CFAP95: variants seen among roughly 807,000 people sequenced by gnomAD.
The protein encoded by CFAP95 is cilia and flagella associated protein 95.
At chr9:69,831,908 T>C in the CFAP95 span, among the ~76,000 whole-genome samples, 1 of 152,206 alleles carries the variant, frequency 6.6e-6, no homozygotes, top group Non-Finnish European at 1.5e-5. Flanking sequence ...CATAGCATCT[T>C]AACAACATTT....
chr9:69,839,802 G>A, the CFAP95 span, among the ~76,000 whole-genome samples: 8 of 151,600 alleles, frequency 5.3e-5, no homozygotes, highest in South Asian at 8.4e-4. Context: ...TTGGCCAGGC[G>A]CAGTGGCTCC....
chr9:69,852,268 A>G, the CFAP95 span, among the ~76,000 whole-genome samples: 2 of 152,112 alleles, frequency 1.3e-5, no homozygotes, highest in Non-Finnish European at 2.9e-5. Context: ...CTGAAGATCT[A>G]AGATAATAGA....
chr9:69,831,324 A>G, the CFAP95 span, among the ~76,000 whole-genome samples: 2 of 152,192 alleles, frequency 1.3e-5, no homozygotes, highest in Non-Finnish European at 2.9e-5. Flanking sequence ...AATTTTTTAA[A>G]CATTTGGAAA....
At chr9:69,837,489 G>A in the CFAP95 span, among the ~76,000 whole-genome samples, 1 of 152,208 alleles carries the variant, frequency 6.6e-6, no homozygotes, top group East Asian at 1.9e-4. Context: ...CAGTGATGAT[G>A]AGCATTTTTT....
chr9:69,885,685 G>T, the CFAP95 span, among the ~76,000 whole-genome samples: 1 of 152,164 alleles, frequency 6.6e-6, no homozygotes, highest in African/African-American at 2.4e-5. Flanking sequence ...TGGGGTGGAG[G>T]TTGGGAATGT....
chr9:69,906,061 G>T, the CFAP95 span: 1 of 1,613,326 alleles, frequency 6.2e-7, no homozygotes, highest in Non-Finnish European at 8.5e-7. Flanking sequence ...GGCATGATGA[G>T]AGTGGGATTT....
At chr9:69,882,840 T>C in the CFAP95 span, among the ~76,000 whole-genome samples, 1 of 152,298 alleles carries the variant, frequency 6.6e-6, no homozygotes, top group African/African-American at 2.4e-5. Context: ...TGTTGTTGAA[T>C]TTGGTTTGCT....
chr9:69,866,575 A>T, the CFAP95 span, among the ~76,000 whole-genome samples: 1 of 152,232 alleles, frequency 6.6e-6, no homozygotes, highest in African/African-American at 2.4e-5. Context: ...GAATTGGATG[A>T]TGCCTACCTA....
the CFAP95 span, among the ~76,000 whole-genome samples, chr9:69,871,313 A>C: frequency 6.6e-6 from 1 of 152,206 alleles, no homozygotes; most frequent in Non-Finnish European, 1.5e-5. Context: ...TGCAGTGATG[A>C]CAGCTAAAGT....
chr9:69,863,598 C>A, the CFAP95 span, among the ~76,000 whole-genome samples: 1 of 152,070 alleles, frequency 6.6e-6, no homozygotes, highest in Non-Finnish European at 1.5e-5. Context: ...ATGATTTGTC[C>A]ATAGAACCAG....
At chr9:69,833,283 T>G in the CFAP95 span, among the ~76,000 whole-genome samples, 1 of 152,242 alleles carries the variant, frequency 6.6e-6, no homozygotes, top group South Asian at 2.1e-4. Context: ...TTGTACAACA[T>G]ATAGTCGTTA....
chr9:69,898,521 T>C, the CFAP95 span, among the ~76,000 whole-genome samples: 1 of 152,206 alleles, frequency 6.6e-6, no homozygotes, highest in South Asian at 2.1e-4. Context: ...TTTGCAGAGT[T>C]GATAGCTGTT....
the CFAP95 span, among the ~76,000 whole-genome samples, chr9:69,880,005 A>AT: frequency 6.7e-6 from 1 of 149,772 alleles, no homozygotes; most frequent in African/African-American, 2.5e-5. Flanking sequence ...TTTATGTTTA[A>AT]TTTTTGTGGG....
the CFAP95 span, among the ~76,000 whole-genome samples, chr9:69,872,083 T>G: frequency 2.0e-5 from 3 of 151,968 alleles, no homozygotes; most frequent in African/African-American, 4.8e-5. Context: ...TTTCCAAAAG[T>G]TTTTCATCCA....
At chr9:69,851,217 G>A in the CFAP95 span, among the ~76,000 whole-genome samples, 362 of 152,054 alleles carry the variant, frequency 2.4e-3, 1 homozygote, top group Non-Finnish European at 3.9e-3. Context: ...ACACACACCC[G>A]CACGCACAAA....
the CFAP95 span, among the ~76,000 whole-genome samples, chr9:69,843,765 C>T: frequency 1.5e-4 from 23 of 150,674 alleles, no homozygotes; most frequent in Admixed American, 1.5e-3. Context: ...CCCAGCCTCC[C>T]GTGTAGCTGG....
At chr9:69,866,316 G>A in the CFAP95 span, among the ~76,000 whole-genome samples, 1 of 152,150 alleles carries the variant, frequency 6.6e-6, no homozygotes. Flanking sequence ...CTGTAAGCTG[G>A]AGGGCTGAGA....
the CFAP95 span, among the ~76,000 whole-genome samples, chr9:69,868,806 A>G: frequency 1.6e-5 from 1 of 62,160 alleles, no homozygotes; most frequent in Non-Finnish European, 4.6e-5. Flanking sequence ...AACTTATTAG[A>G]AAAAAAAAAA....
chr9:69,856,428 A>T, the CFAP95 span: 1 of 538,462 alleles, frequency 1.9e-6, no homozygotes, highest in Non-Finnish European at 3.3e-6. Flanking sequence ...ATGATCTATT[A>T]CTTATTTTTA....
Sources: gnomAD v4.1 joint callset for allele counts (sites outside exome capture counted in the v4.1 genomes callset) on GRCh38, gnomAD v4.1.1 for gene constraint, MANE v1.5 for transcripts, NCBI Gene and HGNC (gene_info 2026-07-23, HGNC 2026-07-21) for gene names.